The following EYS variants were observed in gnomAD, a reference collection of about 807,000 sequenced individuals.
EYS encodes EGF-like photoreceptor maintenance factor, also known as protein eyes shut homolog.
In EYS, 250 loss-of-function variants were observed where a neutral mutation model predicts 282.1. That is an observed-to-expected ratio of 0.89 (90% CI 0.80 to 0.98). The LOEUF (loss-of-function observed/expected upper bound fraction) is 0.98. Among genes scored for constraint, EYS ranks in the 50% least tolerant of loss-of-function variants. The probability of loss-of-function intolerance (pLI) is 0.00; values close to 1 mark genes in which losing one functional copy is unlikely to be tolerated. For missense variants in EYS, 4,016 were observed against 3,709.0 expected (o/e 1.08, Z -2.15); for synonymous variants, 1,355 against 1,282.9 (o/e 1.06, Z -1.20).
At chr6:64,051,034 G>T (rs540177925) in intron 33 of EYS, among the ~76,000 whole-genome samples, 4 of 152,220 alleles carry the variant, frequency 2.6e-5, no homozygotes, top group African/African-American at 7.2e-5. Flanking sequence ...AGATTATCTG[G>T]TAGCTGATAC....
intron 12 of EYS, among the ~76,000 whole-genome samples, chr6:65,228,340 A>G (rs1255019690): frequency 6.6e-6 from 1 of 152,106 alleles, no homozygotes; most frequent in Non-Finnish European, 1.5e-5. Flanking sequence ...AAACTATTAC[A>G]TGTGTTCCAC....
At chr6:64,855,140 TC>T (rs1448673194) in intron 19 of EYS, among the ~76,000 whole-genome samples, 2 of 151,940 alleles carry the variant, frequency 1.3e-5, no homozygotes, top group Admixed American at 1.3e-4. Context: ...ACTCTGTCTC[TC>T]CCCCATCCCC....
At chr6:65,512,917 G>C (rs1562233145) in intron 2 of EYS, among the ~76,000 whole-genome samples, 1 of 152,126 alleles carries the variant, frequency 6.6e-6, no homozygotes, top group Admixed American at 6.5e-5. Context: ...AAAGCTAGCA[G>C]AAGGCAAGAA....
chr6:65,656,383 C>T (rs1767828633), intron 1 of EYS, among the ~76,000 whole-genome samples: 1 of 151,798 alleles, frequency 6.6e-6, no homozygotes, highest in Non-Finnish European at 1.5e-5. Context: ...AAACAGTTAA[C>T]CAAGTTATGA....
Position 64,912,384 on chromosome 6 carries a change from T to TAGGAGGCCA in EYS, c.2641+99_2641+100insTGGCCTCCT, listed in dbSNP as rs1475503852. 4.7e-6 allele frequency: 5 copies of TAGGAGGCCA among 1,058,994 alleles called. No individual in the cohort carries two copies. In the East Asian group the frequency reaches 1.3e-4, roughly 28 times the overall value. 65.6% of individuals were successfully genotyped at this position (1,058,994 alleles called of 1,614,324 possible). A position where few individuals can be genotyped will look rare whatever the true frequency, so the allele number is the denominator to read the frequency against. On this transcript the variant is annotated intron_variant, in intron 16 of 42. Transcript: ENST00000503581. Reference sequence around the variant, plus strand: ...CCTACCCACAATGTACATAGGATTTTTCCAACCCATTTTAGGAGGCCATCA... The same window carrying TAGGAGGCCA: ...CCTACCCACAATGTACATAGGATTTTAGGAGGCCATCCAACCCATTTTAGGAGGCCATCA...
chr6:64,401,093 C>T (rs1773525174), intron 28 of EYS, among the ~76,000 whole-genome samples: 1 of 151,928 alleles, frequency 6.6e-6, no homozygotes, highest in Non-Finnish European at 1.5e-5. Flanking sequence ...ACAGCAAGTT[C>T]TAAACTTGCA....
chr6:65,221,597 C>G (rs1766467270), intron 12 of EYS, among the ~76,000 whole-genome samples: 1 of 152,196 alleles, frequency 6.6e-6, no homozygotes, highest in South Asian at 2.1e-4. Context: ...GGGCAGGGCC[C>G]TCATGGAGAA....
In EYS at chr6:64,129,652, A is replaced by C. The variant is rs1288790882; in HGVS notation, c.6425-47650T>G. ...TAGTTTAATTAGATCCCATTTGTCAATTTTGGCTTTTGTTGCCATTGCTTT... is the reference window on the plus strand; with the variant it reads ...TAGTTTAATTAGATCCCATTTGTCACTTTTGGCTTTTGTTGCCATTGCTTT... On this transcript the variant is annotated intron_variant, in intron 31 of 42. Transcript: ENST00000503581. Among the ~76,000 whole-genome samples the C allele has an allele frequency of 6.6e-5, 10 of 152,080 alleles. No homozygotes were observed. In the East Asian group the frequency reaches 1.4e-3, roughly 21 times the overall value.
intron 16 of EYS, among the ~76,000 whole-genome samples, chr6:64,907,034 G>A (rs913361713): frequency 7.9e-5 from 12 of 151,902 alleles, no homozygotes; most frequent in Non-Finnish European, 1.3e-4. Flanking sequence ...TCTTCATGTG[G>A]TTTTGTGGTA....
intron 31 of EYS, 99 bp downstream of exon 31, chr6:64,230,493 C>T: frequency 1.4e-6 from 1 of 729,820 alleles, no homozygotes; most frequent in Non-Finnish European, 2.3e-6. Flanking sequence ...CTTGTTTGTG[C>T]TAGTACCCAT....
chr6:64,683,990 G>T (rs1179353077), intron 22 of EYS, among the ~76,000 whole-genome samples: 2 of 152,168 alleles, frequency 1.3e-5, no homozygotes, highest in Admixed American at 1.3e-4. Context: ...TGCACTAGCT[G>T]GTGTCCGCCT....
intron 1 of EYS, among the ~76,000 whole-genome samples, chr6:65,684,818 T>C (rs990834096): frequency 6.6e-6 from 1 of 152,056 alleles, no homozygotes; most frequent in African/African-American, 2.4e-5. Flanking sequence ...AGCATAGATA[T>C]GATAAGTAGT....
chr6:65,372,938 T>C (rs1562130838), intron 8 of EYS, among the ~76,000 whole-genome samples: 1 of 152,148 alleles, frequency 6.6e-6, no homozygotes, highest in Non-Finnish European at 1.5e-5. Context: ...GAATGCTTTA[T>C]TCTTCATAAA....
intron 33 of EYS, among the ~76,000 whole-genome samples, chr6:64,008,680 C>T (rs897640243): frequency 6.6e-6 from 1 of 152,186 alleles, no homozygotes; most frequent in African/African-American, 2.4e-5. Flanking sequence ...ATTCTCTTAG[C>T]ATTTGCTTGT....
chr6:64,093,545 G>A, intron 31 of EYS, among the ~76,000 whole-genome samples: 1 of 152,086 alleles, frequency 6.6e-6, no homozygotes, highest in South Asian at 2.1e-4. Context: ...TCATGATTTG[G>A]CTCTCTGTTT....
At chr6:65,126,806 G>A (rs561397741) in intron 12 of EYS, among the ~76,000 whole-genome samples, 18 of 152,222 alleles carry the variant, frequency 1.2e-4, no homozygotes, top group East Asian at 9.6e-4. Flanking sequence ...AAGTGCTGGC[G>A]TTCCAAAAAG....
At chr6:64,507,729 C>T (rs1444584788) in intron 26 of EYS, among the ~76,000 whole-genome samples, 1 of 146,742 alleles carries the variant, frequency 6.8e-6, no homozygotes, top group Non-Finnish European at 1.5e-5. Context: ...GAAGAGATCC[C>T]ACTCTTTCTT....
chr6:64,392,015 A>G (rs1462612483), intron 28 of EYS, among the ~76,000 whole-genome samples: 1 of 151,878 alleles, frequency 6.6e-6, no homozygotes, highest in Non-Finnish European at 1.5e-5. Context: ...AACAAACATC[A>G]AAAGAGACAA....
intron 22 of EYS, among the ~76,000 whole-genome samples, chr6:64,712,976 G>A (rs766726073): frequency 2.2e-4 from 34 of 152,130 alleles, no homozygotes; most frequent in Non-Finnish European, 4.3e-4. Flanking sequence ...AAAATCATCC[G>A]CAACACCACT....
Sources: allele counts gnomAD v4.1 joint callset (sites outside exome capture counted in the v4.1 genomes callset), GRCh38; gene constraint gnomAD v4.1.1; transcripts MANE v1.5; gene names NCBI Gene and HGNC (gene_info 2026-07-23, HGNC 2026-07-21).